EYA4: variants seen among roughly 807,000 people sequenced by gnomAD.
EYA4 encodes the protein protein phosphatase EYA4.
In EYA4, 31 loss-of-function variants were observed where a neutral mutation model predicts 87.9. The observed-to-expected ratio is 0.35, with a 90% confidence interval of 0.27 to 0.48. The LOEUF is 0.48. Ranked by LOEUF, EYA4 falls within the 20% of genes least tolerant of loss-of-function variation. The pLI, the probability that EYA4 is intolerant of heterozygous loss-of-function variation, is 0.99. For synonymous variants in EYA4, 263 were observed against 270.6 expected, an observed-to-expected ratio of 0.97 and a Z score of 0.28; for missense variants, 678 against 761.4, an observed-to-expected ratio of 0.89 and a Z score of 1.29.
intron 2 of EYA4, among the ~76,000 whole-genome samples, chr6:133,375,685 A>C (rs1371925119): frequency 6.6e-6 from 1 of 151,926 alleles, no homozygotes; most frequent in African/African-American, 2.4e-5. Context: ...AGATGCATTA[A>C]ATAAGAACAT....
intron 1 of EYA4, among the ~76,000 whole-genome samples, chr6:133,242,454 C>T (rs1487140847): frequency 6.6e-6 from 1 of 152,150 alleles, no homozygotes; most frequent in Admixed American, 6.5e-5. Context: ...TAGCGGGTGC[C>T]ATGGAAGGCT....
intron 1 of EYA4, among the ~76,000 whole-genome samples, chr6:133,242,816 C>T (rs1174524366): frequency 1.3e-5 from 2 of 152,116 alleles, no homozygotes; most frequent in Non-Finnish European, 2.9e-5. Flanking sequence ...TAGTGTTTCC[C>T]TTCACCACCA....
At chr6:133,439,949 T>A (rs1792105473) in intron 3 of EYA4, among the ~76,000 whole-genome samples, 1 of 152,212 alleles carries the variant, frequency 6.6e-6, no homozygotes, top group Non-Finnish European at 1.5e-5. Flanking sequence ...GACCTTTCTT[T>A]TGAATGTGCA....
At chr6:133,287,823 C>T (rs1253809687) in intron 2 of EYA4, among the ~76,000 whole-genome samples, 1 of 152,026 alleles carries the variant, frequency 6.6e-6, no homozygotes, top group African/African-American at 2.4e-5. Flanking sequence ...AAGGAGTTTG[C>T]ACATGAACTC....
At chr6:133,399,116 T>A (rs1216815768) in intron 3 of EYA4, among the ~76,000 whole-genome samples, 3 of 152,200 alleles carry the variant, frequency 2.0e-5, no homozygotes, top group Non-Finnish European at 1.5e-5. Context: ...TAAATTCAGG[T>A]CAGCATGCAA....
At chr6:133,472,856 C>T (rs1795390989) in intron 11 of EYA4, among the ~76,000 whole-genome samples, 1 of 144,998 alleles carries the variant, frequency 6.9e-6, no homozygotes, top group Non-Finnish European at 1.5e-5. Flanking sequence ...TAATGGCCTT[C>T]TTTGTCTCTT....
chr6:133,262,333 A>G (rs1471953409), intron 1 of EYA4, among the ~76,000 whole-genome samples: 1 of 152,236 alleles, frequency 6.6e-6, no homozygotes, highest in Non-Finnish European at 1.5e-5. Flanking sequence ...TAGATGAACC[A>G]TTACAGTGTG....
Position 133,519,074 on chromosome 6 carries a change from G to A in EYA4, c.1616+3639G>A, listed in dbSNP as rs1386651147. 3.2e-4 allele frequency among the ~76,000 whole-genome samples: 48 copies of A among 151,304 alleles called. No homozygotes were observed. In the South Asian group the frequency reaches 5.5e-3, roughly 17 times the overall value. ...GATCCAAAATTGACACCCTAACATC[G>A]CAATTAAAAGAACTAGAAAAGCAAG... On this transcript the variant is annotated intron_variant, in intron 17 of 19. Transcript: ENST00000355286.
chr6:133,260,670 G>C (rs977466130), intron 1 of EYA4, among the ~76,000 whole-genome samples: 1 of 151,930 alleles, frequency 6.6e-6, no homozygotes, highest in African/African-American at 2.4e-5. Flanking sequence ...TTTTTGTCTT[G>C]AGGTTTCCAT....
At chr6:133,429,909 G>C (rs556766574) in intron 3 of EYA4, among the ~76,000 whole-genome samples, 23 of 152,220 alleles carry the variant, frequency 1.5e-4, no homozygotes, top group Admixed American at 5.2e-4. Flanking sequence ...ACATGTGCAG[G>C]TTTGTTATAT....
intron 3 of EYA4, among the ~76,000 whole-genome samples, chr6:133,402,668 C>T (rs989822425): frequency 6.6e-6 from 1 of 151,968 alleles, no homozygotes; most frequent in Non-Finnish European, 1.5e-5. Flanking sequence ...ATGCTTACAT[C>T]TCTGTCTAGG....
intron 1 of EYA4, among the ~76,000 whole-genome samples, chr6:133,265,239 A>G (rs569320022): frequency 3.3e-5 from 5 of 152,012 alleles, no homozygotes; most frequent in East Asian, 1.9e-4. Flanking sequence ...CTAATATGGA[A>G]TGGGTGAGGT....
rs373015853 is a variant in EYA4 at position 133,356,863 on chromosome 6, C to T, written c.34-25529C>T. On this transcript the variant is annotated intron_variant, in intron 2 of 19. Transcript: ENST00000355286. ...TGTTGCCCAGGCTGGAATGCAATGG[C>T]ATGATCTCGGCTCACTGCACCCTGT... Among the ~76,000 whole-genome samples the T allele has an allele frequency of 9.3e-4, 140 of 151,340 alleles. 3 individuals carry two copies. The South Asian group carries it at 0.027, about 29-fold the overall frequency.
chr6:133,399,660 A>G (rs1336718700), intron 3 of EYA4, among the ~76,000 whole-genome samples: 2 of 152,248 alleles, frequency 1.3e-5, no homozygotes, highest in Non-Finnish European at 2.9e-5. Flanking sequence ...ATATGAAACG[A>G]AAGTTCCCAT....
intron 13 of EYA4, among the ~76,000 whole-genome samples, chr6:133,493,381 T>C (rs1797356653): frequency 6.6e-6 from 1 of 152,208 alleles, no homozygotes; most frequent in African/African-American, 2.4e-5. Flanking sequence ...GCTGGGATAA[T>C]GGAGATCCAC....
chr6:133,307,088 A>AC lies in EYA4; in HGVS notation c.33+32276dup, dbSNP rs199759409. ...AAATGTATTTAAGCCACCATCTGGGACAAAGCAAAAGCTGTTCCAGGATCC... is the reference window on the plus strand; with the variant it reads ...AAATGTATTTAAGCCACCATCTGGGACCAAAGCAAAAGCTGTTCCAGGATCC... On this transcript the variant is annotated intron_variant, in intron 2 of 19. Coordinates refer to ENST00000355286, the MANE Select transcript of EYA4 (RefSeq NM_004100.5). Among the ~76,000 whole-genome samples, 591 of 152,358 alleles carry AC rather than the reference A, an allele frequency of 3.9e-3. 1 individual carries two copies. Among genetic ancestry groups the AC allele is most frequent in the Non-Finnish European group, 6.6e-3 (452 of 68,038 alleles).
intron 14 of EYA4, among the ~76,000 whole-genome samples, chr6:133,510,959 C>T (rs930395164): frequency 3.9e-5 from 6 of 152,114 alleles, no homozygotes; most frequent in Non-Finnish European, 7.4e-5. Context: ...AACCAAATGC[C>T]GCACTCCAGG....
At chr6:133,275,015 C>T (rs1777049764) in intron 2 of EYA4, among the ~76,000 whole-genome samples, 1 of 151,942 alleles carries the variant, frequency 6.6e-6, no homozygotes, top group Non-Finnish European at 1.5e-5. Flanking sequence ...ATTTTGATGT[C>T]TTCTTTGATT....
At chr6:133,251,918 A>G (rs917887226) in intron 1 of EYA4, among the ~76,000 whole-genome samples, 1 of 152,232 alleles carries the variant, frequency 6.6e-6, no homozygotes, top group Non-Finnish European at 1.5e-5. Flanking sequence ...TTTAAACATG[A>G]AGTCAAACAA....
Sources: gnomAD v4.1 joint callset for allele counts (sites outside exome capture counted in the v4.1 genomes callset) on GRCh38, gnomAD v4.1.1 for gene constraint, MANE v1.5 for transcripts, NCBI Gene and HGNC (gene_info 2026-07-23, HGNC 2026-07-21) for gene names.